The following DRC10 variants were observed in gnomAD, a reference collection of about 807,000 sequenced individuals.
DRC10 encodes dynein regulatory complex subunit 10, also known as IQ domain-containing protein D.
At chr12:113,219,038 T>G in the DRC10 span, among the ~76,000 whole-genome samples, 6 of 152,068 alleles carry the variant, frequency 3.9e-5, no homozygotes, top group Admixed American at 3.9e-4. Context: ...ATTTTTTGTT[T>G]TATTTATTTA....
At chr12:113,203,917 C>T in the DRC10 span, among the ~76,000 whole-genome samples, 86 of 151,450 alleles carry the variant, frequency 5.7e-4, 1 homozygote, top group Middle Eastern at 3.4e-3. Flanking sequence ...CCACTACTTC[C>T]AGCCAGACAC....
chr12:113,220,328 T>A, the DRC10 span, among the ~76,000 whole-genome samples: 1 of 152,214 alleles, frequency 6.6e-6, no homozygotes, highest in South Asian at 2.1e-4. Flanking sequence ...CTATCTTGGC[T>A]TACTGCAACC....
chr12:113,202,913 C>G, the DRC10 span: 1 of 376,234 alleles, frequency 2.7e-6, no homozygotes. Context: ...AATCTGTACT[C>G]ATACACCATC....
the DRC10 span, among the ~76,000 whole-genome samples, chr12:113,216,883 T>G: frequency 6.6e-6 from 1 of 151,830 alleles, no homozygotes; most frequent in East Asian, 1.9e-4. Context: ...AGGTCAAGAG[T>G]TCGAGACCAA....
the DRC10 span, among the ~76,000 whole-genome samples, chr12:113,215,133 C>T: frequency 6.6e-6 from 1 of 152,320 alleles, no homozygotes; most frequent in Non-Finnish European, 1.5e-5. Context: ...TTCCACTGAC[C>T]ACAAGCTATA....
chr12:113,204,687 G>A, the DRC10 span, among the ~76,000 whole-genome samples: 1 of 152,156 alleles, frequency 6.6e-6, no homozygotes, highest in Admixed American at 6.5e-5. Flanking sequence ...TTGGGAGGCT[G>A]AGGTGGGAGG....
At chr12:113,207,996 A>C in the DRC10 span, 1 of 1,614,070 alleles carries the variant, frequency 6.2e-7, no homozygotes, top group Non-Finnish European at 8.5e-7. Context: ...AGATCGCCTC[A>C]TCCAGGATGG....
At chr12:113,196,031 A>C in the DRC10 span, 3 of 1,286,410 alleles carry the variant, frequency 2.3e-6, no homozygotes, top group East Asian at 7.7e-5. Context: ...TCTCGGTCCC[A>C]GTGACATGGA....
At chr12:113,211,228 C>T in the DRC10 span, among the ~76,000 whole-genome samples, 19 of 152,098 alleles carry the variant, frequency 1.2e-4, no homozygotes, top group Admixed American at 1.3e-4. Context: ...ACTACAGGCA[C>T]GTGCCACCAT....
the DRC10 span, among the ~76,000 whole-genome samples, chr12:113,202,337 G>C: frequency 6.6e-6 from 1 of 152,220 alleles, no homozygotes; most frequent in African/African-American, 2.4e-5. Context: ...TCAGGTGAAT[G>C]CTTTAAAGGA....
At chr12:113,200,446 C>G in the DRC10 span, 1 of 796,992 alleles carries the variant, frequency 1.3e-6, no homozygotes, top group Non-Finnish European at 2.1e-6. Flanking sequence ...TCCCCTCCAC[C>G]AAGCCACTTC....
chr12:113,207,974 G>A, the DRC10 span: 1 of 1,614,048 alleles, frequency 6.2e-7, no homozygotes, highest in Non-Finnish European at 8.5e-7. Context: ...AAGGTCACCA[G>A]CTCCACCTTG....
At chr12:113,207,152 A>C in the DRC10 span, 1 of 429,908 alleles carries the variant, frequency 2.3e-6, no homozygotes, top group Non-Finnish European at 4.3e-6. Flanking sequence ...GTTCTAGACC[A>C]GCCTGGCCAA....
chr12:113,200,435 T>C, the DRC10 span: 1 of 758,072 alleles, frequency 1.3e-6, no homozygotes. Context: ...TCCTGTGCCC[T>C]TCCCCTCCAC....
chr12:113,215,205 C>T, the DRC10 span, among the ~76,000 whole-genome samples: 6 of 152,172 alleles, frequency 3.9e-5, no homozygotes, highest in South Asian at 2.1e-4. Flanking sequence ...GAAGTGGAAA[C>T]GAAAAACACA....
the DRC10 span, chr12:113,208,494 G>T: frequency 2.7e-6 from 1 of 367,454 alleles, no homozygotes; most frequent in Non-Finnish European, 4.4e-6. Flanking sequence ...GACCAGCCAG[G>T]CATACAGACA....
chr12:113,207,804 A>G, the DRC10 span: 1 of 1,614,152 alleles, frequency 6.2e-7, no homozygotes. Flanking sequence ...CTTCCTCCTC[A>G]GCCTCTTTCT....
At chr12:113,200,860 C>G in the DRC10 span, 1 of 1,380,220 alleles carries the variant, frequency 7.2e-7, no homozygotes, top group African/African-American at 1.4e-5. Flanking sequence ...CATGCCCAGC[C>G]GGGCACAGTG....
the DRC10 span, among the ~76,000 whole-genome samples, chr12:113,217,716 G>A: frequency 6.6e-6 from 1 of 152,274 alleles, no homozygotes; most frequent in South Asian, 2.1e-4. Context: ...GTTTTTAGGA[G>A]AGACAGGGTT....
Sources: allele counts gnomAD v4.1 joint callset (sites outside exome capture counted in the v4.1 genomes callset), GRCh38; gene constraint gnomAD v4.1.1; transcripts MANE v1.5; gene names NCBI Gene and HGNC (gene_info 2026-07-23, HGNC 2026-07-21).